The following TAF4B variants were observed in gnomAD, a reference collection of about 807,000 sequenced individuals.
TAF4B encodes the protein TATA-box binding protein associated factor 4b.
In TAF4B, 38 loss-of-function variants were observed where a neutral mutation model predicts 86.4. The observed-to-expected ratio is 0.44, with a 90% CI of 0.34 to 0.58. The LOEUF is 0.58. TAF4B is among the 20% of genes least tolerant of loss of function. The pLI is 0.02. For missense variants in TAF4B, 988 were observed against 1,027.6 expected (o/e 0.96, Z 0.53); for synonymous variants, 388 against 391.2 (o/e 0.99, Z 0.10).
chr18:26,349,258 CCTT>C (rs1199380688), intron 13 of TAF4B, among the ~76,000 whole-genome samples: 15 of 152,076 alleles, frequency 9.9e-5, no homozygotes, highest in Non-Finnish European at 1.9e-4. Context: ...TTCCTCTGTT[CCTT>C]CTTCTTTCCC....
At chr18:26,307,030 C>G (rs1003204418) in intron 9 of TAF4B, among the ~76,000 whole-genome samples, 9 of 152,062 alleles carry the variant, frequency 5.9e-5, no homozygotes, top group African/African-American at 2.2e-4. Context: ...ACCTCGTGAT[C>G]CACCTGCCTC....
intron 9 of TAF4B, among the ~76,000 whole-genome samples, chr18:26,298,918 A>G (rs1310601366): frequency 3.2e-5 from 4 of 124,442 alleles, no homozygotes; most frequent in Non-Finnish European, 6.3e-5. Context: ...CTAGAGTGCA[A>G]TGGTGCAATC....
chr18:26,333,276 A>G (rs1448935314), intron 12 of TAF4B, among the ~76,000 whole-genome samples: 1 of 151,320 alleles, frequency 6.6e-6, no homozygotes, highest in Non-Finnish European at 1.5e-5. Flanking sequence ...GCTGGAGTGC[A>G]GTGGCCCCAT....
At position 26,303,160 on chromosome 18, in the gene TAF4B, A is replaced by C. The variant is rs183898825; in HGVS notation, c.1832+9629A>C. Among the ~76,000 whole-genome samples the C allele has an allele frequency of 5.0e-3, 131 of 26,096 alleles. 1 individual carries two copies. The highest frequency in any genetic ancestry group is 6.7e-3 in the Non-Finnish European group (102 of 15,302). The allele number at this position is 26,096 out of a possible 152,430, so 17.1% of individuals were successfully genotyped here. A position where few individuals can be genotyped will look rare whatever the true frequency, so the allele number is the denominator to read the frequency against. Reference sequence around the variant, plus strand: ...ACTTTCATACTCCCTCCACTTTCATACTCCCTCCACTTTCATACCCCCTCC... The same window carrying C: ...ACTTTCATACTCCCTCCACTTTCATCCTCCCTCCACTTTCATACCCCCTCC... On this transcript the variant is annotated intron_variant, in intron 9 of 14. Transcript: ENST00000269142.
rs571952190 is a variant in TAF4B at position 26,238,565 on chromosome 18, A to G, written c.343+11289A>G. Reference sequence around the variant, plus strand: ...CTGAAATTTATTTATTTATTTTTTTATAAGTAATGAACTAATATTTATACC... The same window carrying G: ...CTGAAATTTATTTATTTATTTTTTTGTAAGTAATGAACTAATATTTATACC... On this transcript the variant is annotated intron_variant, in intron 1 of 14. Coordinates refer to ENST00000269142, the MANE Select transcript of TAF4B (RefSeq NM_005640.3). 1.6e-4 allele frequency among the ~76,000 whole-genome samples: 25 copies of G among 152,168 alleles called. No homozygotes were observed. In the South Asian group the frequency reaches 5.0e-3, roughly 30 times the overall value.
chr18:26,376,980 A>G (rs985426808), intron 14 of TAF4B, among the ~76,000 whole-genome samples: 1 of 151,694 alleles, frequency 6.6e-6, no homozygotes, highest in Non-Finnish European at 1.5e-5. Context: ...TATTACATTG[A>G]TTGATTTTTA....
At chr18:26,261,584 T>A (rs1027810417) in intron 1 of TAF4B, among the ~76,000 whole-genome samples, 2 of 152,214 alleles carry the variant, frequency 1.3e-5, no homozygotes, top group Non-Finnish European at 2.9e-5. Flanking sequence ...AGCTGGCTGT[T>A]AGGATCCACT....
intron 14 of TAF4B, among the ~76,000 whole-genome samples, chr18:26,366,951 C>T (rs2057375919): frequency 6.6e-6 from 1 of 152,164 alleles, no homozygotes; most frequent in Non-Finnish European, 1.5e-5. Context: ...TTGTTTTCCT[C>T]AAATGAAAAA....
chr18:26,379,100 A>G (rs2057461446), intron 14 of TAF4B, among the ~76,000 whole-genome samples: 1 of 152,120 alleles, frequency 6.6e-6, no homozygotes, highest in South Asian at 2.1e-4. Context: ...ATTTAATCTT[A>G]AGAGACTCTA....
chr18:26,328,426 G>T (rs1258419921), intron 12 of TAF4B, among the ~76,000 whole-genome samples: 1 of 151,900 alleles, frequency 6.6e-6, no homozygotes, highest in African/African-American at 2.4e-5. Context: ...CTACAGCCTG[G>T]TGACAGAGCA....
intron 1 of TAF4B, among the ~76,000 whole-genome samples, chr18:26,257,851 G>A (rs1187189336): frequency 1.2e-4 from 8 of 66,092 alleles, no homozygotes; most frequent in African/African-American, 7.1e-4. Context: ...GCGTGTGTGT[G>A]TGTGTGTGTG....
intron 1 of TAF4B, among the ~76,000 whole-genome samples, chr18:26,261,726 C>T (rs902953633): frequency 1.3e-5 from 2 of 152,106 alleles, no homozygotes; most frequent in African/African-American, 4.8e-5. Context: ...TTTGTTCTGA[C>T]CCAAGGAGGA....
At chr18:26,236,646 C>T (rs1210302609) in intron 1 of TAF4B, among the ~76,000 whole-genome samples, 2 of 152,160 alleles carry the variant, frequency 1.3e-5, no homozygotes, top group Non-Finnish European at 1.5e-5. Flanking sequence ...ACAAGCCCTA[C>T]CGGGTTATTG....
chr18:26,286,705 A>C (rs1229671587), intron 7 of TAF4B, among the ~76,000 whole-genome samples: 1 of 151,678 alleles, frequency 6.6e-6, no homozygotes, highest in Non-Finnish European at 1.5e-5. Flanking sequence ...TTTTTTAAAG[A>C]CAGAGTCTTA....
chr18:26,340,815 G>A (rs1347973835), intron 13 of TAF4B, among the ~76,000 whole-genome samples: 2 of 152,052 alleles, frequency 1.3e-5, no homozygotes, highest in Non-Finnish European at 2.9e-5. Flanking sequence ...TCAAAATACT[G>A]TGATTTGGGA....
chr18:26,353,817 A>G (rs943940216), intron 13 of TAF4B, among the ~76,000 whole-genome samples: 2 of 152,170 alleles, frequency 1.3e-5, no homozygotes, highest in African/African-American at 4.8e-5. Flanking sequence ...AATTCTTTTA[A>G]GTGTGTCTTC....
intron 13 of TAF4B, among the ~76,000 whole-genome samples, chr18:26,345,283 A>G (rs1392379299): frequency 1.3e-5 from 2 of 152,208 alleles, no homozygotes; most frequent in Non-Finnish European, 2.9e-5. Context: ...AGACCAAGCC[A>G]TCCTCACCAG....
intron 12 of TAF4B, among the ~76,000 whole-genome samples, chr18:26,329,688 C>T (rs2057036053): frequency 6.6e-6 from 1 of 152,236 alleles, no homozygotes; most frequent in African/African-American, 2.4e-5. Context: ...TTAGGTCAAG[C>T]ATGCTTGGCA....
At chr18:26,295,764 T>A (rs886576316) in intron 9 of TAF4B, among the ~76,000 whole-genome samples, 8 of 152,376 alleles carry the variant, frequency 5.3e-5, no homozygotes, top group Middle Eastern at 6.8e-3. Context: ...ACCTTTTTTT[T>A]AAATGTTGCC....
Sources: allele counts gnomAD v4.1 joint callset (sites outside exome capture counted in the v4.1 genomes callset), GRCh38; gene constraint gnomAD v4.1.1; transcripts MANE v1.5; gene names NCBI Gene and HGNC (gene_info 2026-07-23, HGNC 2026-07-21).